LINGO2: variants seen among roughly 807,000 people sequenced by gnomAD.
The protein encoded by LINGO2 is leucine-rich repeat and immunoglobulin-like domain-containing nogo receptor-interacting protein 2.
LINGO2 carries 14 observed loss-of-function variants against 30.6 expected under a neutral mutation model. That is an observed-to-expected ratio of 0.46 (90% confidence interval 0.30 to 0.72). LINGO2 has a LOEUF of 0.72. Ranked by LOEUF, LINGO2 falls within the 30% of genes least tolerant of loss-of-function variation. LINGO2 has a pLI of 0.07. For missense variants in LINGO2, 729 were observed against 751.7 expected (o/e 0.97, Z 0.35); for synonymous variants, 317 against 288.5 (o/e 1.10, Z -1.00).
chr9:28,226,976 G>A (rs1821191356), intron 4 of LINGO2, among the ~76,000 whole-genome samples: 1 of 152,162 alleles, frequency 6.6e-6, no homozygotes, highest in Non-Finnish European at 1.5e-5. Flanking sequence ...ATATGTATCA[G>A]TCAGCTTGTA....
At chr9:28,430,433 C>A (rs557360739) in intron 2 of LINGO2, among the ~76,000 whole-genome samples, 1 of 152,284 alleles carries the variant, frequency 6.6e-6, no homozygotes, top group South Asian at 2.1e-4. Context: ...TGACAAAATA[C>A]ACCATACTGT....
chr9:28,688,792 A>T, the LINGO2 span, among the ~76,000 whole-genome samples: 1 of 152,314 alleles, frequency 6.6e-6, no homozygotes, highest in African/African-American at 2.4e-5. Flanking sequence ...GGTACTCACT[A>T]AAGCCATATT....
intron 4 of LINGO2, among the ~76,000 whole-genome samples, chr9:28,085,669 C>T (rs893482370): frequency 7.9e-5 from 12 of 152,036 alleles, no homozygotes; most frequent in African/African-American, 2.9e-4. Flanking sequence ...TTCCAGCGAT[C>T]CCAGAGAATG....
At chr9:28,865,054 G>A in the LINGO2 span, among the ~76,000 whole-genome samples, 1 of 152,228 alleles carries the variant, frequency 6.6e-6, no homozygotes. Context: ...CCATATATAA[G>A]AGAACTGAAA....
the LINGO2 span, among the ~76,000 whole-genome samples, chr9:29,082,527 A>C: frequency 2.0e-5 from 3 of 152,174 alleles, no homozygotes; most frequent in Non-Finnish European, 4.4e-5. Context: ...ATGGGCAATG[A>C]CTTCATTTCT....
intron 1 of LINGO2, among the ~76,000 whole-genome samples, chr9:28,590,791 A>C (rs2135704932): frequency 6.6e-6 from 1 of 152,312 alleles, no homozygotes; most frequent in Non-Finnish European, 1.5e-5. Flanking sequence ...CATTTGACCC[A>C]GCCATCCCAT....
chr9:28,637,413 G>C (rs1327706655), intron 1 of LINGO2, among the ~76,000 whole-genome samples: 1 of 152,154 alleles, frequency 6.6e-6, no homozygotes, highest in Non-Finnish European at 1.5e-5. Flanking sequence ...ACCTTGGGAA[G>C]TATGGCCATT....
the LINGO2 span, among the ~76,000 whole-genome samples, chr9:29,007,412 C>A: frequency 6.6e-6 from 1 of 152,050 alleles, no homozygotes; most frequent in African/African-American, 2.4e-5. Context: ...AATTAAAGCA[C>A]CCTCCAATAG....
the LINGO2 span, among the ~76,000 whole-genome samples, chr9:28,915,543 G>C: frequency 0.73 from 111,086 of 152,092 alleles, 40,811 homozygotes; most frequent in Non-Finnish European, 0.78. Context: ...GTGTTTTCAA[G>C]TACTTTCTGT....
At chr9:28,559,579 C>A (rs2135544016) in intron 1 of LINGO2, among the ~76,000 whole-genome samples, 1 of 152,200 alleles carries the variant, frequency 6.6e-6, no homozygotes, top group South Asian at 2.1e-4. Context: ...ATAATGGAAT[C>A]TATTTTCTTG....
At chr9:28,432,480 T>A (rs141325580) in intron 2 of LINGO2, among the ~76,000 whole-genome samples, 40 of 151,924 alleles carry the variant, frequency 2.6e-4, no homozygotes, top group African/African-American at 9.2e-4. Context: ...ATGGAAAAAA[T>A]CAAAAGGCAA....
the LINGO2 span, among the ~76,000 whole-genome samples, chr9:29,062,580 G>A: frequency 6.6e-6 from 1 of 152,050 alleles, no homozygotes; most frequent in Non-Finnish European, 1.5e-5. Flanking sequence ...AAATAAGCCA[G>A]CCACAAAATG....
At chr9:28,166,427 A>G (rs1348964596) in intron 4 of LINGO2, among the ~76,000 whole-genome samples, 1 of 152,166 alleles carries the variant, frequency 6.6e-6, no homozygotes, top group Non-Finnish European at 1.5e-5. Flanking sequence ...GATAATGTGC[A>G]CAGCTATGAG....
At chr9:28,481,082 A>T (rs1825944569) in intron 1 of LINGO2, among the ~76,000 whole-genome samples, 1 of 90,086 alleles carries the variant, frequency 1.1e-5, no homozygotes. Flanking sequence ...AAGGTTGGAG[A>T]ATGGGCATGG....
chr9:28,175,789 T>C (rs1000910597), intron 4 of LINGO2, among the ~76,000 whole-genome samples: 5 of 152,188 alleles, frequency 3.3e-5, no homozygotes, highest in Non-Finnish European at 7.3e-5. Flanking sequence ...TATTACAATG[T>C]TAATTCTAGA....
chr9:28,078,716 C>T (rs1435250972), intron 4 of LINGO2, among the ~76,000 whole-genome samples: 3 of 147,784 alleles, frequency 2.0e-5, no homozygotes, highest in East Asian at 3.9e-4. Flanking sequence ...TGTGGTAGTA[C>T]ATGCCTGTAT....
intron 4 of LINGO2, among the ~76,000 whole-genome samples, chr9:28,237,577 C>T (rs934689087): frequency 1.2e-4 from 18 of 152,194 alleles, no homozygotes; most frequent in African/African-American, 3.9e-4. Context: ...TCGCCAGGTG[C>T]GGTGGCTCAC....
the LINGO2 span, among the ~76,000 whole-genome samples, chr9:28,811,471 A>C: frequency 2.0e-5 from 3 of 152,130 alleles, no homozygotes; most frequent in Non-Finnish European, 4.4e-5. Flanking sequence ...CTTCTTATTA[A>C]ACTGGGAAGT....
intron 1 of LINGO2, among the ~76,000 whole-genome samples, chr9:28,556,192 G>C (rs555124158): frequency 3.5e-4 from 53 of 152,130 alleles, no homozygotes; most frequent in Non-Finnish European, 6.3e-4. Context: ...ATTAGGAAAA[G>C]AGGAAGTCAA....
Sources: allele counts gnomAD v4.1 joint callset (sites outside exome capture counted in the v4.1 genomes callset), GRCh38; gene constraint gnomAD v4.1.1; transcripts MANE v1.5; gene names NCBI Gene and HGNC (gene_info 2026-07-23, HGNC 2026-07-21).